The following SNAP47 variants were observed in gnomAD, a reference collection of about 807,000 sequenced individuals.
SNAP47 encodes synaptosomal-associated protein 47.
A neutral mutation model predicts 31.4 loss-of-function variants in SNAP47; 20 were observed. That is an observed-to-expected ratio of 0.64 (90% CI 0.45 to 0.93). The LOEUF is 0.93. Ranked by LOEUF, SNAP47 falls within the 40% of genes least tolerant of loss-of-function variation. The pLI is 0.00. For synonymous variants in SNAP47, 194 were observed against 213.4 expected (o/e 0.91, Z 0.79); for missense variants, 492 against 528.5 (o/e 0.93, Z 0.68).
At chr1:227,776,912 G>T in intron 4 of SNAP47, 1 of 985,408 alleles carries the variant, frequency 1.0e-6, no homozygotes, top group African/African-American at 1.7e-5. Flanking sequence ...AAAAAGTACA[G>T]CAGGAGCCAG....
rs553065415 is a variant in SNAP47, at chr1:227,762,216, G to T, written c.988+2731G>T. On this transcript the variant is annotated intron_variant, in intron 3 of 4. Transcript: ENST00000617596. This position sits in a 1 kb window ranked among gnomAD's most constrained non-coding sequence, Gnocchi z 4.2. Reference sequence around the variant, plus strand: ...TGGGGGACTGTTGTGCCACCTTTCCGTGCTCACTTTCACCCCCATGGGCAA... The same window carrying T: ...TGGGGGACTGTTGTGCCACCTTTCCTTGCTCACTTTCACCCCCATGGGCAA... Among the ~76,000 whole-genome samples the T allele has an allele frequency of 3.3e-5, 5 of 152,200 alleles. No homozygotes were observed. Among genetic ancestry groups the T allele is most frequent in the African/African-American group, 2.4e-5 (1 of 41,456 alleles).
chr1:227,750,006 C>T (rs1055706435), intron 2 of SNAP47, among the ~76,000 whole-genome samples: 2 of 152,246 alleles, frequency 1.3e-5, no homozygotes, highest in Admixed American at 1.3e-4. Flanking sequence ...CCTCTGTGTC[C>T]CTGGAATCCC....
intron 3 of SNAP47, among the ~76,000 whole-genome samples, chr1:227,766,296 C>T (rs769920215): frequency 3.9e-5 from 6 of 152,224 alleles, no homozygotes; most frequent in East Asian, 1.9e-4. Context: ...AACAACATTG[C>T]GCCCTTATCT....
upstream of SNAP47, chr1:227,733,095 T>C: frequency 6.4e-7 from 1 of 1,552,294 alleles, no homozygotes; most frequent in Non-Finnish European, 8.8e-7. Context: ...CCACATCTCC[T>C]GCGCCAGGAA....
intron 1 of SNAP47, among the ~76,000 whole-genome samples, chr1:227,729,968 A>G (rs1571953873): frequency 1.3e-5 from 2 of 152,146 alleles, no homozygotes; most frequent in African/African-American, 2.4e-5. Flanking sequence ...GCACGCCCTC[A>G]CCCAGGCATG....
upstream of SNAP47, chr1:227,735,197 G>A (rs747554405): frequency 8.2e-6 from 13 of 1,582,548 alleles, no homozygotes; most frequent in Non-Finnish European, 1.1e-5. Context: ...CCGGCCCGGA[G>A]CCTGGCCGAC....
upstream of SNAP47, chr1:227,735,422 C>A (rs1571972318): frequency 1.3e-6 from 2 of 1,542,440 alleles, no homozygotes; most frequent in East Asian, 2.4e-5. Context: ...GCGCGCGGCT[C>A]GCCGCGGTCT....
intron 1 of SNAP47, chr1:227,747,151 G>A (rs933112336): frequency 1.3e-5 from 2 of 153,300 alleles, no homozygotes; most frequent in African/African-American, 4.8e-5. Context: ...TATGAGAAGG[G>A]AAAACGCTTG....
chr1:227,768,106 G>A (rs1036257181), intron 4 of SNAP47: 1 of 171,372 alleles, frequency 5.8e-6, no homozygotes, highest in South Asian at 1.9e-4. Flanking sequence ...GTCGCCTTAG[G>A]AAACAGGAAG....
At chr1:227,766,895 A>G in intron 3 of SNAP47, 64 bp from the exon 4 acceptor site, 1 of 1,600,070 alleles carries the variant, frequency 6.2e-7, no homozygotes, top group Non-Finnish European at 8.5e-7. Context: ...TCTGCCATCC[A>G]GAGCACACGA....
upstream of SNAP47, chr1:227,735,419 G>C (rs1206691518): frequency 6.5e-7 from 1 of 1,543,304 alleles, no homozygotes; most frequent in Non-Finnish European, 8.7e-7. Context: ...CATGCGCGCG[G>C]CTCGCCGCGG....
At chr1:227,747,588 G>A in intron 1 of SNAP47, 104 bp from the exon 2 acceptor site, 1 of 1,190,984 alleles carries the variant, frequency 8.4e-7, no homozygotes, top group Non-Finnish European at 1.2e-6. Flanking sequence ...ACGTGCTGCA[G>A]CCTGTGTGAG....
upstream of SNAP47, chr1:227,735,095 G>C: frequency 6.4e-7 from 1 of 1,573,838 alleles, no homozygotes; most frequent in Non-Finnish European, 8.6e-7. Flanking sequence ...CTGCGTGAAG[G>C]CGCTGGAAAA....
chr1:227,748,909 T>C (rs187557817), intron 2 of SNAP47, among the ~76,000 whole-genome samples: 1 of 152,372 alleles, frequency 6.6e-6, no homozygotes, highest in Non-Finnish European at 1.5e-5. Flanking sequence ...GCTTTTCTTT[T>C]TCCAAGTCCG....
rs1471512551 is a variant in SNAP47, at chr1:227,762,316, T to G, written c.988+2831T>G. On this transcript the variant is annotated intron_variant, in intron 3 of 4. Coordinates refer to ENST00000617596, the MANE Select transcript of SNAP47 (RefSeq NM_053052.4). The surrounding 1 kb of genome is among the most constrained non-coding windows in gnomAD (Gnocchi z 4.2). ...AGAGGGTGTTCTTGAAGAGGCTCCA[T>G]GCAGGGGTTGGAGCGTGTGGTGCCC... Among the ~76,000 whole-genome samples, 1 of 152,344 alleles carries G rather than the reference T, an allele frequency of 6.6e-6. No individual in the cohort carries two copies. Among genetic ancestry groups the G allele is most frequent in the East Asian group, 1.9e-4 (1 of 5,182 alleles).
chr1:227,777,691 G>C (rs1209611634), intron 4 of SNAP47, among the ~76,000 whole-genome samples: 1 of 152,164 alleles, frequency 6.6e-6, no homozygotes, highest in Non-Finnish European at 1.5e-5. Context: ...TTGAACATCT[G>C]GGTCAGGGTT....
rs908323589 is a variant in SNAP47 at position 227,776,101 on chromosome 1, C to T, written c.1114-4426C>T. Reference sequence around the variant, plus strand: ...TGTGCCTCTTGCTGCCTGCCTGAGTCACCCAGGGCTGCTCCCCTTCCTGGC... The same window carrying T: ...TGTGCCTCTTGCTGCCTGCCTGAGTTACCCAGGGCTGCTCCCCTTCCTGGC... On this transcript the variant is annotated intron_variant, in intron 4 of 4. Transcript: ENST00000617596. The T allele has an allele frequency of 1.8e-5, 21 of 1,175,610 alleles. 1 individual carries two copies. In the African/African-American group the frequency reaches 2.7e-4, roughly 15 times the overall value. 72.8% of individuals were successfully genotyped at this position (1,175,610 alleles called of 1,614,324 possible). A position where few individuals can be genotyped will look rare whatever the true frequency, so the allele number is the denominator to read the frequency against.
chr1:227,760,888 C>T (rs923530469), intron 3 of SNAP47, among the ~76,000 whole-genome samples: 3 of 152,212 alleles, frequency 2.0e-5, no homozygotes, highest in African/African-American at 7.2e-5. Context: ...TTACAGAAAT[C>T]TTTTATCTTG....
intron 1 of SNAP47, among the ~76,000 whole-genome samples, chr1:227,729,533 T>C (rs921865206): frequency 2.0e-5 from 3 of 152,128 alleles, no homozygotes; most frequent in African/African-American, 7.2e-5. Context: ...AAGGGAAGGA[T>C]GTGGCCTTGG....
Sources: allele counts gnomAD v4.1 joint callset (sites outside exome capture counted in the v4.1 genomes callset), GRCh38; gene constraint gnomAD v4.1.1; non-coding constraint Gnocchi (gnomAD v3.1); transcripts MANE v1.5; gene names NCBI Gene and HGNC (gene_info 2026-07-23, HGNC 2026-07-21).